AUTS2: variants seen among roughly 807,000 people sequenced by gnomAD.
AUTS2 encodes the protein activator of transcription and developmental regulator AUTS2.
A neutral mutation model predicts 112.4 loss-of-function variants in AUTS2; 17 were observed. The observed-to-expected ratio is 0.15, with a 90% confidence interval of 0.10 to 0.23. AUTS2 has a LOEUF of 0.23. AUTS2 is among the 10% of genes least tolerant of loss of function. AUTS2 has a pLI of 1.00. For missense variants in AUTS2, 1,510 were observed against 1,701.6 expected (o/e 0.89, Z 1.98); for synonymous variants, 751 against 702.7 (o/e 1.07, Z -1.09).
intron 5 of AUTS2, among the ~76,000 whole-genome samples, chr7:70,629,603 C>T (rs1376133247): frequency 6.6e-6 from 1 of 152,116 alleles, no homozygotes; most frequent in Non-Finnish European, 1.5e-5. Context: ...TAGAGGCAGG[C>T]GCGTCTCAGA....
rs376747998 is a variant in AUTS2 at position 70,212,969 on chromosome 7, G to A, written c.660+78398G>A. On this transcript the variant is annotated intron_variant, in intron 4 of 18. Transcript: ENST00000342771. ...GTGTTAATAGATCAGTGGTTGGGGT[G>A]GGGGAACTATACTTAACAATAGTAT... Among the ~76,000 whole-genome samples the A allele has an allele frequency of 7.9e-5, 12 of 151,998 alleles. No homozygotes were observed. The South Asian group carries it at 2.5e-3, about 32-fold the overall frequency.
At chr7:70,446,170 T>A (rs954173439) in intron 5 of AUTS2, among the ~76,000 whole-genome samples, 2 of 152,178 alleles carry the variant, frequency 1.3e-5, no homozygotes, top group Non-Finnish European at 2.9e-5. Flanking sequence ...GAGGTCTGGG[T>A]CCATCAGGGC....
intron 4 of AUTS2, among the ~76,000 whole-genome samples, chr7:70,281,248 A>T (rs1352474721): frequency 6.6e-6 from 1 of 152,188 alleles, no homozygotes; most frequent in East Asian, 1.9e-4. Flanking sequence ...TCCTATAGGG[A>T]TGTGCCTAGG....
intron 4 of AUTS2, among the ~76,000 whole-genome samples, chr7:70,355,437 T>C (rs963569639): frequency 5.3e-5 from 8 of 152,058 alleles, no homozygotes; most frequent in African/African-American, 1.9e-4. Context: ...CTTTTTGTTC[T>C]CCTTACGGCG....
At chr7:70,614,895 C>T (rs1033696223) in intron 5 of AUTS2, among the ~76,000 whole-genome samples, 4 of 152,232 alleles carry the variant, frequency 2.6e-5, no homozygotes, top group African/African-American at 9.6e-5. Flanking sequence ...GGCTGCAGGG[C>T]TAACCTGCAC....
At chr7:70,465,094 G>T (rs528830851) in intron 5 of AUTS2, among the ~76,000 whole-genome samples, 1 of 152,288 alleles carries the variant, frequency 6.6e-6, no homozygotes, top group South Asian at 2.1e-4. Context: ...TTCAGAGGTT[G>T]AATGAAGCTT....
chr7:69,702,489 G>T (rs1464438689), intron 1 of AUTS2, among the ~76,000 whole-genome samples: 1 of 152,174 alleles, frequency 6.6e-6, no homozygotes, highest in Non-Finnish European at 1.5e-5. Flanking sequence ...ATATATATAG[G>T]AGGACTTCGT....
At chr7:70,470,174 C>T (rs1387519997) in intron 5 of AUTS2, among the ~76,000 whole-genome samples, 1 of 152,060 alleles carries the variant, frequency 6.6e-6, no homozygotes, top group African/African-American at 2.4e-5. Flanking sequence ...TGGTTTTTAC[C>T]CTCCCTCCCC....
At chr7:70,136,963 GTGCA>G (rs1354970732) in intron 4 of AUTS2, among the ~76,000 whole-genome samples, 3 of 152,164 alleles carry the variant, frequency 2.0e-5, no homozygotes, top group Admixed American at 2.0e-4. Flanking sequence ...GCAGGTGTGT[GTGCA>G]TGCACACACA....
chr7:70,610,363 C>T (rs1804023264), intron 5 of AUTS2, among the ~76,000 whole-genome samples: 1 of 150,604 alleles, frequency 6.6e-6, no homozygotes, highest in South Asian at 2.1e-4. Flanking sequence ...AAGTTAAATT[C>T]CCACCAACAG....
intron 4 of AUTS2, among the ~76,000 whole-genome samples, chr7:70,329,575 T>A (rs1223109851): frequency 6.6e-6 from 1 of 151,702 alleles, no homozygotes; most frequent in African/African-American, 2.4e-5. Context: ...TATTTTTTTT[T>A]AGAGAAATGT....
chr7:69,637,508 A>G (rs1323484855), intron 1 of AUTS2, among the ~76,000 whole-genome samples: 1 of 152,224 alleles, frequency 6.6e-6, no homozygotes, highest in Non-Finnish European at 1.5e-5. Flanking sequence ...TTTATATCAT[A>G]TAGTACAATA....
intron 5 of AUTS2, among the ~76,000 whole-genome samples, chr7:70,625,108 G>A (rs983039237): frequency 4.6e-5 from 7 of 152,012 alleles, no homozygotes; most frequent in Non-Finnish European, 1.5e-5. Context: ...TAGGACTCTG[G>A]ACTTTCCCTT....
intron 1 of AUTS2, among the ~76,000 whole-genome samples, chr7:69,615,872 A>G (rs909052033): frequency 1.3e-5 from 2 of 152,266 alleles, no homozygotes; most frequent in Non-Finnish European, 2.9e-5. Flanking sequence ...TAGCATCATT[A>G]GAAAACATAT....
chr7:70,280,705 A>G (rs1024565111), intron 4 of AUTS2, among the ~76,000 whole-genome samples: 4 of 152,018 alleles, frequency 2.6e-5, no homozygotes, highest in Non-Finnish European at 4.4e-5. Context: ...AACCCAAACA[A>G]AAACACTCCG....
chr7:69,985,179 T>G (rs1233749548), intron 2 of AUTS2, among the ~76,000 whole-genome samples: 1 of 144,096 alleles, frequency 6.9e-6, no homozygotes, highest in Non-Finnish European at 1.5e-5. Context: ...CACAGTGAGC[T>G]ATGGTCATGC....
At chr7:70,063,511 T>C (rs1802351945) in intron 2 of AUTS2, among the ~76,000 whole-genome samples, 1 of 152,162 alleles carries the variant, frequency 6.6e-6, no homozygotes, top group Non-Finnish European at 1.5e-5. Flanking sequence ...TCAGCCTCGG[T>C]TTTCTCACTG....
chr7:70,746,663 G>T (rs1788473247), intron 6 of AUTS2, among the ~76,000 whole-genome samples: 2 of 152,112 alleles, frequency 1.3e-5, no homozygotes, highest in Admixed American at 6.6e-5. Flanking sequence ...GCACCTGTGT[G>T]GGAAAGGGGA....
chr7:70,175,001 G>A (rs533230760), intron 4 of AUTS2, among the ~76,000 whole-genome samples: 4 of 152,078 alleles, frequency 2.6e-5, no homozygotes, highest in Non-Finnish European at 5.9e-5. Flanking sequence ...TTTAGCCACC[G>A]TAATTAGTGA....
Sources: allele counts gnomAD v4.1 joint callset (sites outside exome capture counted in the v4.1 genomes callset), GRCh38; gene constraint gnomAD v4.1.1; transcripts MANE v1.5; gene names NCBI Gene and HGNC (gene_info 2026-07-23, HGNC 2026-07-21).